Variants in OPHN1 observed in about 807,000 individuals in gnomAD.
OPHN1 encodes oligophrenin 1.
Under a neutral mutation model 60.7 loss-of-function variants are expected in OPHN1, and 11 were observed. The ratio of observed to expected loss-of-function variants is 0.18; its 90% CI spans 0.11 to 0.30. The LOEUF (loss-of-function observed/expected upper bound fraction) is 0.30. Among genes scored for constraint, OPHN1 ranks in the 10% least tolerant of loss-of-function variants. OPHN1 has a pLI of 1.00. For synonymous variants in OPHN1, 226 were observed against 222.6 expected, an observed-to-expected ratio of 1.02 and a Z score of -0.14; for missense variants, 449 against 611.0, an observed-to-expected ratio of 0.73 and a Z score of 2.80.
At chrX:68,330,245 C>T (rs1201339156) in intron 2 of OPHN1, among the ~76,000 whole-genome samples, 2 of 110,043 alleles carry the variant, frequency 1.8e-5, no homozygotes, top group Non-Finnish European at 3.8e-5. Context: ...ATTACAGGCA[C>T]CCACCATCAT....
chrX:68,289,330 T>C (rs1301210429), intron 3 of OPHN1, among the ~76,000 whole-genome samples: 1 of 111,643 alleles, frequency 9.0e-6, no homozygotes, highest in Admixed American at 9.5e-5. Context: ...TTCGGAAAAG[T>C]GAGATGGGAA....
At chrX:68,149,195 A>G in intron 15 of OPHN1, among the ~76,000 whole-genome samples, 2 of 111,617 alleles carry the variant, frequency 1.8e-5, no homozygotes, top group Middle Eastern at 9.4e-3. Context: ...TGCAGCTTTC[A>G]TAATTCAACC....
chrX:68,181,343 G>A (rs1482201267), intron 15 of OPHN1, among the ~76,000 whole-genome samples: 1 of 111,739 alleles, frequency 8.9e-6, no homozygotes, highest in Non-Finnish European at 1.9e-5. Context: ...TCTGGAACCA[G>A]ATTAAAATTG....
At chrX:68,422,258 G>C (rs2078829625) in intron 2 of OPHN1, among the ~76,000 whole-genome samples, 1 of 110,833 alleles carries the variant, frequency 9.0e-6, no homozygotes, top group Non-Finnish European at 1.9e-5. Flanking sequence ...CTTGCAGAAA[G>C]AGCCTTGGAC....
chrX:68,374,448 T>G (rs1298004991), intron 2 of OPHN1, among the ~76,000 whole-genome samples: 1 of 110,445 alleles, frequency 9.1e-6, no homozygotes, highest in Admixed American at 9.8e-5. Flanking sequence ...TTTGGGGTTT[T>G]GTTTTGTTTT....
chrX:68,426,554 A>T (rs73634122), intron 2 of OPHN1, among the ~76,000 whole-genome samples: 6 of 46,497 alleles, frequency 1.3e-4, no homozygotes, highest in Admixed American at 4.8e-4. Flanking sequence ...CATCTGTTTT[A>T]TATATATATA....
intron 15 of OPHN1, among the ~76,000 whole-genome samples, chrX:68,130,022 C>A (rs1011637747): frequency 7.1e-5 from 8 of 112,323 alleles, no homozygotes; most frequent in African/African-American, 2.6e-4. Flanking sequence ...TAAAGGACAG[C>A]TGAAAGAAAG....
intron 16 of OPHN1, among the ~76,000 whole-genome samples, chrX:68,117,179 TC>T (rs1472759925): frequency 9.0e-6 from 1 of 110,754 alleles, no homozygotes; most frequent in African/African-American, 3.3e-5. Context: ...CACTCAATAC[TC>T]CCCCTATACT....
chrX:68,070,713 GC>G, intron 20 of OPHN1: 3 of 1,088,437 alleles, frequency 2.8e-6, no homozygotes, highest in Non-Finnish European at 3.8e-6. Context: ...ATCCATGAGG[GC>G]TTTGGTTCCC....
At chrX:68,358,358 A>G (rs1409855975) in intron 2 of OPHN1, among the ~76,000 whole-genome samples, 1 of 109,841 alleles carries the variant, frequency 9.1e-6, no homozygotes, top group Admixed American at 9.8e-5. Flanking sequence ...AAGAAAGAAA[A>G]TAAATAGTCA....
At chrX:68,382,074 G>A (rs917744572) in intron 2 of OPHN1, among the ~76,000 whole-genome samples, 1 of 111,971 alleles carries the variant, frequency 8.9e-6, no homozygotes, top group Admixed American at 9.6e-5. Context: ...CAGGCCAGGT[G>A]CAATGGCTCA....
chrX:68,267,508 C>A (rs921871397), intron 5 of OPHN1, among the ~76,000 whole-genome samples: 1 of 112,026 alleles, frequency 8.9e-6, no homozygotes. Flanking sequence ...ATACCAGAAT[C>A]TCTGGGACAC....
At chrX:68,050,666 A>G (rs1825007151) in intron 23 of OPHN1, among the ~76,000 whole-genome samples, 2 of 111,736 alleles carry the variant, frequency 1.8e-5, no homozygotes, top group Admixed American at 1.9e-4. Context: ...TTTTCTGTCT[A>G]GTTCTATTCT....
rs1373565976 is a variant in OPHN1 at position 68,427,843 on chromosome X, A to C, written c.154+5024T>G. Among the ~76,000 whole-genome samples the C allele has an allele frequency of 8.7e-4, 96 of 109,717 alleles. 1 individual carries two copies. In the Admixed American group the frequency reaches 9.4e-3, roughly 11 times the overall value. ...TAGCACAATTAAAAAAAAAAAAAAG[A>C]ATGTAGGCTGGGCGTGGTGGCTCAC... On this transcript the variant is annotated intron_variant, in intron 2 of 24. Coordinates refer to ENST00000355520, the MANE Select transcript of OPHN1 (RefSeq NM_002547.3).
In OPHN1 at chrX:68,048,429, T is replaced by C; in HGVS notation, c.2404A>G (p.Ser802Gly). The change falls in exon 24 of 25, where the codon AGT becomes GGT. Residue 802 changes from serine (S) to glycine (G), a missense_variant. Physicochemically the swap from Ser to Gly is moderately conservative, Grantham distance 56. This residue lies in a region of OPHN1 where 184 missense variants were observed against 160.5 expected (regional missense o/e 1.15). Transcript: ENST00000355520. ...GGGACTGCATACCTGTAGCCTCAAC[T>C]TTCATCTCCAGGAAGTCTGCCTTGA... ...SSQGRLPGDE[S>G] 8.3e-7 allele frequency: 1 copy of C among 1,210,563 alleles called. No individual in the cohort carries two copies. The highest frequency in any genetic ancestry group is 1.1e-6 in the Non-Finnish European group (1 of 894,563).
At chrX:68,249,170 C>T (rs2077821370) in intron 5 of OPHN1, among the ~76,000 whole-genome samples, 1 of 111,822 alleles carries the variant, frequency 8.9e-6, no homozygotes, top group Admixed American at 9.5e-5. Flanking sequence ...GATTATTATG[C>T]ATTGCATGCC....
At chrX:68,058,458 T>C (rs2076881522) in intron 21 of OPHN1, among the ~76,000 whole-genome samples, 2 of 111,856 alleles carry the variant, frequency 1.8e-5, no homozygotes, top group Admixed American at 9.5e-5. Flanking sequence ...GGTAGGATTG[T>C]CAGAAGGCTT....
intron 23 of OPHN1, among the ~76,000 whole-genome samples, chrX:68,052,104 A>G (rs1046944134): frequency 2.7e-5 from 3 of 111,681 alleles, no homozygotes; most frequent in African/African-American, 9.8e-5. Flanking sequence ...AGCCTGGCCA[A>G]CATGGCAAAA....
At chrX:68,213,181 C>A (rs1200764752) in intron 7 of OPHN1, among the ~76,000 whole-genome samples, 1 of 111,540 alleles carries the variant, frequency 9.0e-6, no homozygotes, top group Middle Eastern at 4.2e-3. Context: ...CCAGCCTGGG[C>A]AACATGGTGA....
Sources: gnomAD v4.1 joint callset for allele counts (sites outside exome capture counted in the v4.1 genomes callset) on GRCh38, gnomAD v4.1.1 for gene constraint, gnomAD v4.1.1 regional missense constraint, MANE v1.5 for transcripts, NCBI Gene and HGNC (gene_info 2026-07-23, HGNC 2026-07-21) for gene names.